The following PCDHA8 variants were observed in gnomAD, a reference collection of about 807,000 sequenced individuals.
PCDHA8 encodes the protein protocadherin alpha 8, also known as protocadherin alpha-8.
A neutral mutation model predicts 61.8 loss-of-function variants in PCDHA8; 53 were observed. The observed-to-expected ratio is 0.86, with a 90% CI of 0.69 to 1.08. The LOEUF is 1.08. Ranked by LOEUF, PCDHA8 falls within the 50% of genes least tolerant of loss-of-function variation. The pLI, the probability that PCDHA8 is intolerant of heterozygous loss-of-function variation, is 0.00. For synonymous variants in PCDHA8, 618 were observed against 556.6 expected (o/e 1.11, Z -1.55); for missense variants, 1,293 against 1,245.0 (o/e 1.04, Z -0.58).
intron 1 of PCDHA8, among the ~76,000 whole-genome samples, chr5:140,920,824 C>T (rs537294471): frequency 3.4e-5 from 5 of 145,004 alleles, no homozygotes; most frequent in Admixed American, 1.4e-4. Context: ...AGCCTGGCGA[C>T]GGAGCAAGAC....
intron 3 of PCDHA8, among the ~76,000 whole-genome samples, chr5:141,008,922 G>A (rs34518527): frequency 0.052 from 7,924 of 152,178 alleles, 248 homozygotes; most frequent in South Asian, 0.11. Flanking sequence ...AATTTATTCA[G>A]CTAATTTTTC....
At chr5:140,927,478 C>A (rs959432734) in intron 1 of PCDHA8, 1 of 1,614,062 alleles carries the variant, frequency 6.2e-7, no homozygotes, top group Non-Finnish European at 8.5e-7. Context: ...TCGCGAACAG[C>A]GCGCCACCCA....
intron 1 of PCDHA8, among the ~76,000 whole-genome samples, chr5:140,919,033 G>T (rs149900813): frequency 6.6e-6 from 1 of 152,282 alleles, no homozygotes; most frequent in African/African-American, 2.4e-5. Flanking sequence ...CTGCCTAGTT[G>T]TTGTCCATTA....
chr5:140,850,920 A>G (rs2150502262), intron 1 of PCDHA8: 1 of 1,526,818 alleles, frequency 6.5e-7, no homozygotes, highest in Non-Finnish European at 8.8e-7. Flanking sequence ...ATTTATTTAT[A>G]TAATTTTTTT....
At chr5:140,924,895 AAAAAAAAAAAT>A (rs1321698386) in intron 1 of PCDHA8, among the ~76,000 whole-genome samples, 1,704 of 132,168 alleles carry the variant, frequency 0.013, 31 homozygotes, top group African/African-American at 0.056. Flanking sequence ...AACCTGTCTC[AAAAAAAAAAAT>A]AAAATAAAAT....
At chr5:140,951,746 C>A (rs2094627797) in intron 1 of PCDHA8, among the ~76,000 whole-genome samples, 1 of 152,128 alleles carries the variant, frequency 6.6e-6, no homozygotes, top group African/African-American at 2.4e-5. Flanking sequence ...ACTGCCCTCA[C>A]CCTCCGCGAA....
rs2150350746 is a variant in PCDHA8, at chr5:140,843,036, G to A, written c.1715G>A (p.Gly572Asp). ...GCACTGCTGGAGCCTCGGGTGGGTG[G>A]CACTGGTGGCGCAGCGAGCAAGCTG... is the stretch of plus-strand genomic sequence containing the variant. ...APALLEPRVG[G>D]TGGAASKLVP... Residue 572 changes from glycine to aspartate, a missense_variant, in exon 1 of 4, where the codon GGC (glycine) becomes GAC (aspartate). Gly to Asp is a moderately conservative substitution (Grantham distance 94). Coordinates refer to ENST00000531613, the MANE Select transcript of PCDHA8 (RefSeq NM_018911.3). 3 of 1,595,194 alleles carry A rather than the reference G, an allele frequency of 1.9e-6. No homozygotes were observed. Among genetic ancestry groups the A allele is most frequent in the Middle Eastern group, 1.7e-4 (1 of 5,888 alleles).
intron 1 of PCDHA8, among the ~76,000 whole-genome samples, chr5:140,893,800 T>C (rs1483033571): frequency 6.6e-6 from 1 of 152,174 alleles, no homozygotes; most frequent in Non-Finnish European, 1.5e-5. Flanking sequence ...ATTCCCTCCT[T>C]GTCTTGAGTC....
At position 141,006,497 on chromosome 5, in the gene PCDHA8, G is replaced by C. The variant is rs575942325; in HGVS notation, c.2543-3130G>C. Among the ~76,000 whole-genome samples the C allele has an allele frequency of 2.6e-5, 4 of 152,288 alleles. No homozygotes were observed. In the South Asian group the frequency reaches 8.3e-4, roughly 32 times the overall value. ...CAAAGTGCTGGGATTACATGTGTGA[G>C]CCACCGCGCCTGGCTGTTATACATC... On this transcript the variant is annotated intron_variant, in intron 3 of 3. Transcript: ENST00000531613.
intron 1 of PCDHA8, among the ~76,000 whole-genome samples, chr5:140,898,748 G>A (rs1397892217): frequency 1.1e-4 from 16 of 152,222 alleles, no homozygotes; most frequent in African/African-American, 3.9e-4. Context: ...TAGCTTGATG[G>A]GGATGGCATT....
chr5:140,914,076 T>C (rs2076593853), intron 1 of PCDHA8, among the ~76,000 whole-genome samples: 1 of 152,218 alleles, frequency 6.6e-6, no homozygotes, highest in Non-Finnish European at 1.5e-5. Context: ...TCCATAACTA[T>C]CTATTAGGTC....
At chr5:140,866,641 A>C (rs567516921) in intron 1 of PCDHA8, 3 of 152,226 alleles carry the variant, frequency 2.0e-5, no homozygotes, top group African/African-American at 2.4e-5. Flanking sequence ...ACGGTGTCAA[A>C]ATTTATTTAT....
At chr5:140,969,933 C>T (rs2096370749) in intron 1 of PCDHA8, among the ~76,000 whole-genome samples, 1 of 152,192 alleles carries the variant, frequency 6.6e-6, no homozygotes, top group South Asian at 2.1e-4. Context: ...ATTTAGACAT[C>T]ATACTGAAGC....
intron 1 of PCDHA8, among the ~76,000 whole-genome samples, chr5:140,874,106 T>C (rs1554167018): frequency 1.3e-5 from 2 of 152,266 alleles, no homozygotes; most frequent in African/African-American, 4.8e-5. Flanking sequence ...TTTTAATTAC[T>C]TAACGTTTTA....
At chr5:140,869,099 A>G in intron 1 of PCDHA8, 1 of 1,596,446 alleles carries the variant, frequency 6.3e-7, no homozygotes, top group African/African-American at 1.3e-5. Flanking sequence ...CCAATTTCGT[A>G]TGCGATGTTT....
chr5:140,981,883 C>T (rs1488792007), intron 2 of PCDHA8, among the ~76,000 whole-genome samples: 1 of 152,146 alleles, frequency 6.6e-6, no homozygotes, highest in Non-Finnish European at 1.5e-5. Context: ...GAATTAATCT[C>T]TTCTGAGCGG....
chr5:140,871,973 T>C (rs2053419799), intron 1 of PCDHA8, among the ~76,000 whole-genome samples: 1 of 152,254 alleles, frequency 6.6e-6, no homozygotes, highest in African/African-American at 2.4e-5. Context: ...CTTCCTATGA[T>C]GTCCAGGTTG....
At chr5:140,851,273 G>C in intron 1 of PCDHA8, 1 of 1,057,916 alleles carries the variant, frequency 9.5e-7, no homozygotes, top group African/African-American at 1.7e-5. Flanking sequence ...TACTTGTATT[G>C]TTTATAAGAA....
intron 1 of PCDHA8, among the ~76,000 whole-genome samples, chr5:140,912,343 AT>A (rs35252606): frequency 0.42 from 59,775 of 143,548 alleles, 12,483 homozygotes; most frequent in African/African-American, 0.57. Context: ...TACACTAAGT[AT>A]TTTTTTTTTT....
Sources: gnomAD v4.1 joint callset for allele counts (sites outside exome capture counted in the v4.1 genomes callset) on GRCh38, gnomAD v4.1.1 for gene constraint, MANE v1.5 for transcripts, NCBI Gene and HGNC (gene_info 2026-07-23, HGNC 2026-07-21) for gene names.